FOXJ3: variants seen among roughly 807,000 people sequenced by gnomAD.
The protein encoded by FOXJ3 is forkhead box protein J3.
In FOXJ3, 22 loss-of-function variants were observed where a neutral mutation model predicts 76.1. That is an observed-to-expected ratio of 0.29 (90% CI 0.21 to 0.41). FOXJ3 has a LOEUF of 0.41. Ranked by LOEUF, FOXJ3 falls within the 10% of genes least tolerant of loss-of-function variation. The pLI is 1.00. For missense variants in FOXJ3, 613 were observed against 762.1 expected (o/e 0.80, Z 2.30); for synonymous variants, 269 against 261.2 (o/e 1.03, Z -0.29).
chr1:42,186,516 AC>A (rs1481805093), intron 11 of FOXJ3, among the ~76,000 whole-genome samples: 2 of 152,152 alleles, frequency 1.3e-5, no homozygotes, highest in Non-Finnish European at 2.9e-5. Context: ...GAGGGCCCTA[AC>A]AAAAGAGATG....
intron 1 of FOXJ3, among the ~76,000 whole-genome samples, chr1:42,331,241 G>A (rs1405513799): frequency 6.6e-6 from 1 of 152,100 alleles, no homozygotes. Flanking sequence ...AATTAGCGGG[G>A]CATGGTGGTG....
At chr1:42,300,484 C>A (rs116062236) in intron 2 of FOXJ3, among the ~76,000 whole-genome samples, 28 of 152,132 alleles carry the variant, frequency 1.8e-4, no homozygotes, top group Admixed American at 5.9e-4. Context: ...ATATAAAATT[C>A]TTGGCCGGTG....
chr1:42,206,501 G>C (rs1286566633), intron 5 of FOXJ3, among the ~76,000 whole-genome samples: 1 of 152,198 alleles, frequency 6.6e-6, no homozygotes, highest in African/African-American at 2.4e-5. Context: ...GTGAAACAGA[G>C]CTGTTTATAT....
chr1:42,218,801 C>T (rs1164212466), intron 5 of FOXJ3, among the ~76,000 whole-genome samples: 1 of 152,190 alleles, frequency 6.6e-6, no homozygotes. Flanking sequence ...GCTCCCACCC[C>T]TTACTTCTCA....
chr1:42,288,182 T>C (rs926118055), intron 2 of FOXJ3, among the ~76,000 whole-genome samples: 1 of 152,192 alleles, frequency 6.6e-6, no homozygotes, highest in African/African-American at 2.4e-5. Flanking sequence ...TTAAAATGTC[T>C]ATGTCTCTGA....
chr1:42,237,134 C>T (rs1225085640), intron 4 of FOXJ3, among the ~76,000 whole-genome samples: 2 of 151,958 alleles, frequency 1.3e-5, no homozygotes, highest in African/African-American at 2.4e-5. Flanking sequence ...CCAGCACTCT[C>T]GGAGGCCGAG....
chr1:42,271,146 A>G (rs1165009648), intron 3 of FOXJ3, among the ~76,000 whole-genome samples: 1 of 152,088 alleles, frequency 6.6e-6, no homozygotes, highest in East Asian at 1.9e-4. Context: ...CTTTGTAACT[A>G]TTTTTGGCCT....
intron 2 of FOXJ3, among the ~76,000 whole-genome samples, chr1:42,293,396 CAATA>C (rs1343058520): frequency 6.6e-6 from 1 of 151,974 alleles, no homozygotes; most frequent in Non-Finnish European, 1.5e-5. Flanking sequence ...ATACAAACCC[CAATA>C]AACACAAGAA....
intron 1 of FOXJ3, among the ~76,000 whole-genome samples, chr1:42,317,494 C>G (rs1570244242): frequency 8.3e-6 from 1 of 120,350 alleles, no homozygotes; most frequent in African/African-American, 3.1e-5. Context: ...AGAGGCCACA[C>G]AGATAATTAA....
intron 5 of FOXJ3, among the ~76,000 whole-genome samples, chr1:42,216,079 G>A (rs1434580861): frequency 6.6e-6 from 1 of 152,030 alleles, no homozygotes; most frequent in African/African-American, 2.4e-5. Flanking sequence ...TACATTTTCA[G>A]GGAAAGAAAA....
At chr1:42,228,845 G>A (rs1647816804) in intron 4 of FOXJ3, among the ~76,000 whole-genome samples, 1 of 152,100 alleles carries the variant, frequency 6.6e-6, no homozygotes. Context: ...ATGCATTTCA[G>A]AAACAGAAAC....
intron 2 of FOXJ3, among the ~76,000 whole-genome samples, chr1:42,306,298 CTTTTTTTTTTTT>C (rs9326121): frequency 2.4e-5 from 2 of 81,692 alleles, no homozygotes; most frequent in South Asian, 4.7e-4. Flanking sequence ...GAACTTTTTT[CTTTTTTTTTTTT>C]TTTTTTTTTT....
intron 2 of FOXJ3, among the ~76,000 whole-genome samples, chr1:42,291,620 G>A (rs773320458): frequency 7.2e-5 from 11 of 152,134 alleles, no homozygotes; most frequent in East Asian, 1.9e-4. Context: ...GGGCAACATC[G>A]CAAGAACTCA....
chr1:42,257,038 T>A (rs1056358703), intron 4 of FOXJ3, among the ~76,000 whole-genome samples: 1 of 152,212 alleles, frequency 6.6e-6, no homozygotes, highest in Admixed American at 6.5e-5. Context: ...AGGATCACTA[T>A]CTAAAACCGG....
rs1408125937 is a variant in FOXJ3, at chr1:42,269,416, C to T, written c.370-4227G>A. Among the ~76,000 whole-genome samples, 3 of 152,104 alleles carry T rather than the reference C, an allele frequency of 2.0e-5. No homozygotes were observed. In the East Asian group the frequency reaches 5.8e-4, roughly 29 times the overall value. On this transcript the variant is annotated intron_variant, in intron 3 of 12. Coordinates refer to ENST00000361346, the MANE Select transcript of FOXJ3 (RefSeq NM_014947.5). ...ACACCTCTACAGTCTTCCTCCTCTACAAAAAGCTTAAATGTTGGAAATCTT... is the reference window on the plus strand; with the variant it reads ...ACACCTCTACAGTCTTCCTCCTCTATAAAAAGCTTAAATGTTGGAAATCTT...
At chr1:42,249,958 G>C (rs1347491787) in intron 4 of FOXJ3, among the ~76,000 whole-genome samples, 1 of 152,146 alleles carries the variant, frequency 6.6e-6, no homozygotes, top group Non-Finnish European at 1.5e-5. Context: ...TAAAGAAAAT[G>C]AAATACTATT....
At chr1:42,278,186 A>C (rs1002419436) in intron 3 of FOXJ3, among the ~76,000 whole-genome samples, 162 bp downstream of exon 3, 1 of 152,178 alleles carries the variant, frequency 6.6e-6, no homozygotes, top group African/African-American at 2.4e-5. Context: ...TCTACCAAAA[A>C]TAAAGTTATT....
At chr1:42,189,518 C>G in intron 9 of FOXJ3, 114 bp from the exon 10 acceptor site, 1 of 718,022 alleles carries the variant, frequency 1.4e-6, no homozygotes, top group Non-Finnish European at 2.4e-6. Flanking sequence ...TCCCGTCTTA[C>G]AAGGGGATTT....
intron 2 of FOXJ3, chr1:42,280,399 T>C (rs1652607976): frequency 1.3e-6 from 1 of 748,634 alleles, no homozygotes; most frequent in Non-Finnish European, 1.6e-6. Context: ...CCTCTGAACC[T>C]GAACTTTAAA....
Sources: allele counts gnomAD v4.1 joint callset (sites outside exome capture counted in the v4.1 genomes callset), GRCh38; gene constraint gnomAD v4.1.1; transcripts MANE v1.5; gene names NCBI Gene and HGNC (gene_info 2026-07-23, HGNC 2026-07-21).